Variants in ZNF578 observed in about 807,000 individuals in gnomAD.
The protein encoded by ZNF578 is zinc finger protein 578, also known as Putative chemokine-related protein B42.
Under a neutral mutation model 8.3 loss-of-function variants are expected in ZNF578, and 8 were observed. The observed-to-expected ratio is 0.96, with a 90% CI of 0.56 to 1.74. The LOEUF (loss-of-function observed/expected upper bound fraction) is 1.74. Among genes scored for constraint, ZNF578 ranks in the 40% most tolerant of loss-of-function variants. The pLI, the probability that ZNF578 is intolerant of heterozygous loss-of-function variation, is 0.00. For synonymous variants in ZNF578, 206 were observed against 232.2 expected, an observed-to-expected ratio of 0.89 and a Z score of 1.03; for missense variants, 726 against 707.5, an observed-to-expected ratio of 1.03 and a Z score of -0.30.
At chr19:52,482,814 C>G (rs1338297844) in intron 2 of ZNF578, among the ~76,000 whole-genome samples, 3 of 151,158 alleles carry the variant, frequency 2.0e-5, no homozygotes, top group African/African-American at 7.3e-5. Flanking sequence ...GTACATGCCT[C>G]TAATTTCAGC....
intron 2 of ZNF578, among the ~76,000 whole-genome samples, chr19:52,490,436 G>A (rs1270884133): frequency 6.6e-6 from 1 of 152,130 alleles, no homozygotes; most frequent in Non-Finnish European, 1.5e-5. Context: ...AATTCTGCAG[G>A]CTGTATAAAT....
Position 52,511,000 on chromosome 19 carries a change from A to G in ZNF578, c.619A>G (p.Asn207Asp). 6.2e-7 allele frequency: 1 copy of G among 1,614,190 alleles called. No individual in the cohort carries two copies. The highest frequency in any genetic ancestry group is 8.5e-7 in the Non-Finnish European group (1 of 1,180,028). ...TAGGCCTGAAACACATACTCCTAAT[A>G]ACTATGGGAATAATTTTTTCCATTC... ...SCRPETHTPN[N>D]YGNNFFHSSL... The change falls in exon 6 of 6, where the codon AAC (asparagine) becomes GAC (aspartate). Residue 207 changes from asparagine to aspartate, a missense_variant. Transcript: ENST00000421239.
chr19:52,458,268 C>T (rs1029240395), intron 2 of ZNF578: 4 of 152,110 alleles, frequency 2.6e-5, no homozygotes, highest in Non-Finnish European at 4.4e-5. Context: ...TGTGGTATTC[C>T]TGCAGAGACT....
At chr19:52,504,944 G>A (rs900445737) in intron 5 of ZNF578, among the ~76,000 whole-genome samples, 163 bp downstream of exon 5, 7 of 152,220 alleles carry the variant, frequency 4.6e-5, no homozygotes, top group Admixed American at 4.6e-4. Flanking sequence ...AGGCTGGAGA[G>A]CAATGGTATA....
At chr19:52,464,406 G>C (rs985676974) in intron 2 of ZNF578, among the ~76,000 whole-genome samples, 1 of 152,086 alleles carries the variant, frequency 6.6e-6, no homozygotes, top group Non-Finnish European at 1.5e-5. Context: ...TTCCTAAGGT[G>C]GGCCAAGTAC....
intron 3 of ZNF578, among the ~76,000 whole-genome samples, chr19:52,493,472 A>G (rs569973443): frequency 1.2e-4 from 18 of 152,290 alleles, no homozygotes; most frequent in South Asian, 4.1e-4. Context: ...TCCGCGATGC[A>G]GGAGTCTTAC....
At chr19:52,454,182 T>C (rs1340895954) in intron 1 of ZNF578, 1 of 152,238 alleles carries the variant, frequency 6.6e-6, no homozygotes, top group Non-Finnish European at 1.5e-5. Context: ...CGCTGGAAAA[T>C]GTGCTCTTCC....
At chr19:52,504,862 A>AT (rs1227055133) in intron 5 of ZNF578, 81 bp downstream of exon 5, 4 of 1,581,606 alleles carry the variant, frequency 2.5e-6, no homozygotes, top group Non-Finnish European at 3.4e-6. Flanking sequence ...CTCTTTTGTG[A>AT]TTTTGCCCCA....
intron 3 of ZNF578, among the ~76,000 whole-genome samples, chr19:52,492,261 C>G (rs1568462258): frequency 6.6e-6 from 1 of 151,862 alleles, no homozygotes; most frequent in Non-Finnish European, 1.5e-5. Flanking sequence ...GTCTGGACCC[C>G]CAGGTTCAGC....
intron 2 of ZNF578, among the ~76,000 whole-genome samples, chr19:52,488,332 ATCAC>A (rs2059352781): frequency 6.6e-6 from 1 of 151,886 alleles, no homozygotes; most frequent in Admixed American, 6.5e-5. Context: ...AGGTGGGTGG[ATCAC>A]GAGGTCAGGA....
At chr19:52,497,601 T>A (rs1257217790) in intron 3 of ZNF578, among the ~76,000 whole-genome samples, 3 of 152,200 alleles carry the variant, frequency 2.0e-5, no homozygotes, top group Non-Finnish European at 2.9e-5. Flanking sequence ...TTTTTGAACA[T>A]TTTAAAATTG....
At chr19:52,500,506 A>C (rs1246026873) in intron 3 of ZNF578, among the ~76,000 whole-genome samples, 1 of 150,842 alleles carries the variant, frequency 6.6e-6, no homozygotes, top group African/African-American at 2.4e-5. Flanking sequence ...TCCTGGGTTC[A>C]AGTGATTCTC....
intron 5 of ZNF578, among the ~76,000 whole-genome samples, chr19:52,510,225 A>C (rs566534824): frequency 1.3e-5 from 2 of 151,852 alleles, no homozygotes; most frequent in South Asian, 4.2e-4. Context: ...AAATATGAAG[A>C]GTATATATTT....
rs765530460 is a variant in ZNF578 at position 52,511,297 on chromosome 19, C to T, written c.916C>T (p.Arg306Cys). The T allele has an allele frequency of 2.5e-6, 4 of 1,614,072 alleles. No individual in the cohort carries two copies. The highest frequency in any genetic ancestry group is 1.7e-5 in the Admixed American group (1 of 60,004). ...FSYKSSLTCH[R>C]RCHTGEKPYK... ...TTACAAGTCATCCCTGACATGCCAT[C>T]GTAGATGTCACACTGGTGAGAAACC... Residue 306 changes from arginine (R) to cysteine (C), a missense_variant, in exon 6 of 6, where the codon CGT becomes TGT. Physicochemically the swap from Arg to Cys is radical, Grantham distance 180. Coordinates refer to ENST00000421239, the MANE Select transcript of ZNF578 (RefSeq NM_001099694.2).
At position 52,514,717 on chromosome 19, in the gene ZNF578, C is replaced by A. The variant is rs1648311607; in HGVS notation, c.*2563C>A. On this transcript the variant is annotated 3_prime_UTR_variant, in exon 6 of 6. Coordinates refer to ENST00000421239, the MANE Select transcript of ZNF578 (RefSeq NM_001099694.2). ...TCGCTCTGTCAGCTTGGATGGAGTG[C>A]AGTGGTGCGATCTCAGCTCACTGCA... Among the ~76,000 whole-genome samples, 1 of 152,134 alleles carries A rather than the reference C, an allele frequency of 6.6e-6. No individual in the cohort carries two copies. Among genetic ancestry groups the A allele is most frequent in the African/African-American group, 2.4e-5 (1 of 41,414 alleles).
intron 2 of ZNF578, among the ~76,000 whole-genome samples, chr19:52,469,723 T>A (rs2059286267): frequency 1.3e-5 from 2 of 152,176 alleles, no homozygotes; most frequent in South Asian, 4.1e-4. Flanking sequence ...CCAAAGAACA[T>A]AATGAAGTTG....
At chr19:52,502,994 G>A (rs1331887675) in intron 4 of ZNF578, among the ~76,000 whole-genome samples, 1 of 152,096 alleles carries the variant, frequency 6.6e-6, no homozygotes, top group African/African-American at 2.4e-5. Flanking sequence ...TGGGTTTCAA[G>A]CAATTCTTCT....
Position 52,510,735 on chromosome 19 carries a change from A to G in ZNF578, c.354A>G (p.Gln118=), listed in dbSNP as rs2059441617. The G allele has an allele frequency of 3.1e-6, 5 of 1,612,940 alleles. No homozygotes were observed. Among genetic ancestry groups the G allele is most frequent in the South Asian group, 1.1e-5 (1 of 90,896 alleles). The change falls in exon 6 of 6, where the codon CAA becomes CAG. Residue 118 remains glutamine, a synonymous_variant. Coordinates refer to ENST00000421239, the MANE Select transcript of ZNF578 (RefSeq NM_001099694.2). The part of the protein sequence containing the change: ...KDIHDFEFQS[Q]KDERNGHEAS... ...TTCATGACTTTGAGTTTCAGTCACA[A>G]AAAGATGAAAGAAATGGCCATGAAG...
At chr19:52,480,634 A>G (rs952929878) in intron 2 of ZNF578, among the ~76,000 whole-genome samples, 2 of 151,568 alleles carry the variant, frequency 1.3e-5, no homozygotes, top group African/African-American at 4.8e-5. Context: ...ACAGTGGCTC[A>G]TGCCTATAAT....
Sources: gnomAD v4.1 joint callset for allele counts (sites outside exome capture counted in the v4.1 genomes callset) on GRCh38, gnomAD v4.1.1 for gene constraint, MANE v1.5 for transcripts, NCBI Gene and HGNC (gene_info 2026-07-23, HGNC 2026-07-21) for gene names.